DSCAM: variants seen among roughly 807,000 people sequenced by gnomAD.
DSCAM encodes DS cell adhesion molecule.
In DSCAM, 47 loss-of-function variants were observed where a neutral mutation model predicts 217.7. The observed-to-expected ratio is 0.22, with a 90% CI of 0.17 to 0.28. The LOEUF is 0.28. DSCAM is among the 10% of genes least tolerant of loss of function. The probability of loss-of-function intolerance (pLI) is 1.00; values close to 1 mark genes in which losing one functional copy is unlikely to be tolerated. For missense variants in DSCAM, 2,080 were observed against 2,618.3 expected, an observed-to-expected ratio of 0.79 and a Z score of 4.49; for synonymous variants, 1,056 against 1,015.3, an observed-to-expected ratio of 1.04 and a Z score of -0.76.
At chr21:40,658,415 A>G (rs2090099535) in intron 3 of DSCAM, among the ~76,000 whole-genome samples, 1 of 152,188 alleles carries the variant, frequency 6.6e-6, no homozygotes, top group Non-Finnish European at 1.5e-5. Flanking sequence ...ATTAGCTAAT[A>G]AGTGGTTTGC....
rs531664716 is a variant in DSCAM at position 40,072,495 on chromosome 21, C to T, written c.4888+2542G>A. On this transcript the variant is annotated intron_variant, in intron 27 of 32. Transcript: ENST00000400454. ...CCAAGTAGTTGGGACTACAGGCGCC[C>T]GCCACCACCCCCGGCTAATTTTTTT... Among the ~76,000 whole-genome samples, 55 of 152,074 alleles carry T rather than the reference C, an allele frequency of 3.6e-4. No homozygotes were observed. In the South Asian group the frequency reaches 6.7e-3, roughly 18 times the overall value.
chr21:40,835,093 T>C (rs1416313579), intron 1 of DSCAM, among the ~76,000 whole-genome samples: 3 of 152,238 alleles, frequency 2.0e-5, no homozygotes, highest in Non-Finnish European at 4.4e-5. Flanking sequence ...TTCTATGGGT[T>C]AAGGTGATTT....
intron 18 of DSCAM, among the ~76,000 whole-genome samples, chr21:40,136,886 A>G (rs1469382499): frequency 6.6e-6 from 1 of 152,072 alleles, no homozygotes; most frequent in African/African-American, 2.4e-5. Context: ...AAAGAAAGCA[A>G]ACACTTGGCC....
intron 3 of DSCAM, among the ~76,000 whole-genome samples, chr21:40,378,693 G>A (rs555841722): frequency 1.7e-3 from 251 of 145,100 alleles, no homozygotes; most frequent in African/African-American, 4.9e-3. Context: ...CCAGGTTCAC[G>A]CCATTCTCCT....
At chr21:40,151,504 G>A (rs956286344) in intron 16 of DSCAM, among the ~76,000 whole-genome samples, 4 of 152,148 alleles carry the variant, frequency 2.6e-5, no homozygotes, top group African/African-American at 7.2e-5. Flanking sequence ...TGTCTAAATC[G>A]GGGCTTCAAC....
intron 3 of DSCAM, among the ~76,000 whole-genome samples, chr21:40,409,526 G>A (rs906426288): frequency 6.6e-6 from 1 of 152,184 alleles, no homozygotes; most frequent in Non-Finnish European, 1.5e-5. Flanking sequence ...ATCCTAGTGA[G>A]AGGTGGACAG....
chr21:40,301,511 C>G (rs1280594962), intron 9 of DSCAM, among the ~76,000 whole-genome samples: 1 of 152,190 alleles, frequency 6.6e-6, no homozygotes, highest in African/African-American at 2.4e-5. Context: ...TGCATCTTAG[C>G]TTAGCACTCA....
At chr21:40,586,756 T>C (rs1176270964) in intron 3 of DSCAM, among the ~76,000 whole-genome samples, 3 of 152,286 alleles carry the variant, frequency 2.0e-5, no homozygotes, top group African/African-American at 7.2e-5. Flanking sequence ...AAGAAACACA[T>C]GGAACACTAC....
chr21:40,362,861 T>TAC (rs752752819), intron 4 of DSCAM, among the ~76,000 whole-genome samples: 4 of 152,206 alleles, frequency 2.6e-5, no homozygotes, highest in Admixed American at 1.3e-4. Flanking sequence ...TATCTATATA[T>TAC]ACACACACAT....
At position 40,163,397 on chromosome 21, in the gene DSCAM, A is replaced by G. The variant is rs1263270489; in HGVS notation, c.3018+3821T>C. ...AATTAAATTGTATTTGCTTACACAA[A>G]TCCTTTTGTTTCTCCAAGAATGTCA... is the stretch of plus-strand genomic sequence containing the variant. On this transcript the variant is annotated intron_variant, in intron 16 of 32. Transcript: ENST00000400454. Among the ~76,000 whole-genome samples the G allele has an allele frequency of 9.2e-5, 14 of 152,262 alleles. No individual in the cohort carries two copies. The East Asian group carries it at 2.7e-3, about 29-fold the overall frequency.
chr21:40,079,048 C>T (rs969883676), intron 25 of DSCAM, 71 bp from the exon 26 acceptor site: 1 of 1,533,694 alleles, frequency 6.5e-7, no homozygotes, highest in Non-Finnish European at 8.8e-7. Flanking sequence ...TCACGCATTT[C>T]CCTCGGACTG....
intron 14 of DSCAM, among the ~76,000 whole-genome samples, chr21:40,184,119 G>GGAA (rs1568987895): frequency 1.3e-5 from 2 of 152,190 alleles, no homozygotes; most frequent in African/African-American, 4.8e-5. Flanking sequence ...AAGGGGAATA[G>GGAA]GTAGTCAGGG....
intron 3 of DSCAM, among the ~76,000 whole-genome samples, chr21:40,514,445 A>C (rs1333968094): frequency 6.6e-6 from 1 of 152,244 alleles, no homozygotes; most frequent in African/African-American, 2.4e-5. Context: ...GCTTCAACTT[A>C]GCACATCAGA....
chr21:40,319,325 T>C (rs912982669), intron 8 of DSCAM, among the ~76,000 whole-genome samples: 1 of 152,098 alleles, frequency 6.6e-6, no homozygotes, highest in African/African-American at 2.4e-5. Flanking sequence ...CAGAAAAAAA[T>C]AGCTGGACCC....
chr21:40,442,206 A>G (rs1223890822), intron 3 of DSCAM, among the ~76,000 whole-genome samples: 1 of 152,166 alleles, frequency 6.6e-6, no homozygotes, highest in Non-Finnish European at 1.5e-5. Flanking sequence ...TAGGCACTGC[A>G]CAATCCTGTT....
chr21:40,192,653 A>C (rs1453491130), intron 11 of DSCAM, among the ~76,000 whole-genome samples: 1 of 152,206 alleles, frequency 6.6e-6, no homozygotes, highest in Non-Finnish European at 1.5e-5. Context: ...TTTTTTATAA[A>C]TGGAATCATA....
chr21:40,757,057 C>T (rs558472526), intron 1 of DSCAM, among the ~76,000 whole-genome samples: 3 of 151,994 alleles, frequency 2.0e-5, no homozygotes, highest in South Asian at 4.2e-4. Context: ...TGGAGTCTTG[C>T]TCTGTTGCCC....
intron 16 of DSCAM, among the ~76,000 whole-genome samples, chr21:40,147,122 C>T (rs1445309784): frequency 3.3e-5 from 5 of 152,140 alleles, no homozygotes; most frequent in Admixed American, 2.0e-4. Context: ...AACTGGCTCC[C>T]GGTGAGGCTT....
intron 3 of DSCAM, among the ~76,000 whole-genome samples, chr21:40,672,610 G>T (rs1191637961): frequency 6.6e-6 from 1 of 152,146 alleles, no homozygotes; most frequent in African/African-American, 2.4e-5. Flanking sequence ...AGCCTAAGTG[G>T]CTCACAGGAC....
Sources: gnomAD v4.1 joint callset for allele counts (sites outside exome capture counted in the v4.1 genomes callset) on GRCh38, gnomAD v4.1.1 for gene constraint, MANE v1.5 for transcripts, NCBI Gene and HGNC (gene_info 2026-07-23, HGNC 2026-07-21) for gene names.